GABRG3: variants seen among roughly 807,000 people sequenced by gnomAD.
GABRG3 encodes the protein gamma-aminobutyric acid type A receptor subunit gamma3.
In GABRG3, 25 loss-of-function variants were observed where a neutral mutation model predicts 48.8. That is an observed-to-expected ratio of 0.51 (90% CI 0.37 to 0.72). GABRG3 has a LOEUF of 0.72. Ranked by LOEUF, GABRG3 falls within the 30% of genes least tolerant of loss-of-function variation. The pLI is 0.00. For synonymous variants in GABRG3, 227 were observed against 217.6 expected, an observed-to-expected ratio of 1.04 and a Z score of -0.38; for missense variants, 394 against 577.9, an observed-to-expected ratio of 0.68 and a Z score of 3.26.
chr15:27,004,447 G>A (rs528482804), intron 2 of GABRG3, among the ~76,000 whole-genome samples: 8 of 150,826 alleles, frequency 5.3e-5, no homozygotes, highest in Non-Finnish European at 1.5e-5. Flanking sequence ...GGGCAGAGAC[G>A]CTCCCCACTT....
intron 5 of GABRG3, among the ~76,000 whole-genome samples, chr15:27,376,840 G>T (rs1218939960): frequency 6.6e-6 from 1 of 152,236 alleles, no homozygotes; most frequent in Admixed American, 6.5e-5. Context: ...ATTAACATTC[G>T]ACTCCTCATT....
At chr15:27,105,469 T>G (rs933997246) in intron 3 of GABRG3, among the ~76,000 whole-genome samples, 3 of 152,288 alleles carry the variant, frequency 2.0e-5, no homozygotes, top group East Asian at 1.9e-4. Flanking sequence ...TTCAAGGGCT[T>G]ATAGAATGTT....
chr15:27,347,436 C>T (rs1437436805), intron 5 of GABRG3, among the ~76,000 whole-genome samples: 1 of 152,176 alleles, frequency 6.6e-6, no homozygotes, highest in Non-Finnish European at 1.5e-5. Context: ...CAGTGCCCCC[C>T]AGTCTATTTC....
intron 3 of GABRG3, among the ~76,000 whole-genome samples, chr15:27,258,961 CA>C (rs1431217057): frequency 6.6e-6 from 1 of 151,958 alleles, no homozygotes; most frequent in African/African-American, 2.4e-5. Context: ...TGTGAGCTCA[CA>C]TTTCCTTTTA....
intron 3 of GABRG3, among the ~76,000 whole-genome samples, chr15:27,029,358 T>C (rs1896039848): frequency 6.6e-6 from 1 of 152,134 alleles, no homozygotes; most frequent in Non-Finnish European, 1.5e-5. Context: ...GAGTCTGATT[T>C]CCTGAGGAAG....
At chr15:27,331,412 C>G (rs994344396) in intron 5 of GABRG3, among the ~76,000 whole-genome samples, 2 of 151,860 alleles carry the variant, frequency 1.3e-5, no homozygotes, top group African/African-American at 4.8e-5. Context: ...TTCAGCACTA[C>G]AAAGAAAGGA....
At chr15:27,136,769 A>G (rs1056848144) in intron 3 of GABRG3, among the ~76,000 whole-genome samples, 2 of 152,048 alleles carry the variant, frequency 1.3e-5, no homozygotes, top group African/African-American at 4.8e-5. Context: ...TCCTCATCCA[A>G]CTCAAGGGGT....
At chr15:27,450,582 A>G (rs1889080574) in intron 5 of GABRG3, among the ~76,000 whole-genome samples, 1 of 152,194 alleles carries the variant, frequency 6.6e-6, no homozygotes, top group Admixed American at 6.5e-5. Flanking sequence ...AAGACCATAT[A>G]TGACTAGCCC....
At chr15:27,142,435 G>T (rs1169765092) in intron 3 of GABRG3, among the ~76,000 whole-genome samples, 1 of 152,188 alleles carries the variant, frequency 6.6e-6, no homozygotes, top group Non-Finnish European at 1.5e-5. Flanking sequence ...AGACGCAAAA[G>T]TGGAAACCCC....
chr15:27,347,645 T>A (rs1894420574), intron 5 of GABRG3, among the ~76,000 whole-genome samples: 1 of 152,234 alleles, frequency 6.6e-6, no homozygotes, highest in Admixed American at 6.5e-5. Flanking sequence ...GGGATCTTTC[T>A]TGCATTTTCA....
intron 3 of GABRG3, among the ~76,000 whole-genome samples, chr15:27,140,633 C>T (rs1049483244): frequency 6.6e-6 from 1 of 151,974 alleles, no homozygotes; most frequent in Non-Finnish European, 1.5e-5. Context: ...CTTTAATTTA[C>T]AAATTTCTAT....
intron 3 of GABRG3, among the ~76,000 whole-genome samples, chr15:27,132,558 G>C (rs1025279865): frequency 3.8e-5 from 5 of 132,636 alleles, no homozygotes; most frequent in African/African-American, 1.4e-4. Context: ...GTTTCCAGAA[G>C]TTTTCTATTT....
At chr15:27,412,357 T>C (rs1271738650) in intron 5 of GABRG3, among the ~76,000 whole-genome samples, 1 of 152,184 alleles carries the variant, frequency 6.6e-6, no homozygotes, top group Non-Finnish European at 1.5e-5. Flanking sequence ...CTCCTGTCCT[T>C]GACCCCTGGA....
At chr15:27,361,595 G>T (rs1213024534) in intron 5 of GABRG3, among the ~76,000 whole-genome samples, 2 of 152,216 alleles carry the variant, frequency 1.3e-5, no homozygotes, top group African/African-American at 4.8e-5. Context: ...GAAGACTGGA[G>T]ACCTCGCCTG....
intron 3 of GABRG3, among the ~76,000 whole-genome samples, chr15:27,160,092 G>T (rs2140403091): frequency 6.6e-6 from 1 of 152,248 alleles, no homozygotes; most frequent in African/African-American, 2.4e-5. Flanking sequence ...TGGACTCCCT[G>T]GTTCCCCACC....
intron 3 of GABRG3, among the ~76,000 whole-genome samples, chr15:27,306,635 T>C (rs1404136565): frequency 1.7e-5 from 2 of 116,934 alleles, no homozygotes; most frequent in African/African-American, 7.6e-5. Flanking sequence ...TATAAACATA[T>C]ATTTATATAT....
chr15:27,354,413 T>C (rs1270408910), intron 5 of GABRG3, among the ~76,000 whole-genome samples: 3 of 152,188 alleles, frequency 2.0e-5, no homozygotes, highest in African/African-American at 7.2e-5. Flanking sequence ...CTGACTATGC[T>C]TAATGGAATA....
At chr15:27,376,399 C>A (rs1235659419) in intron 5 of GABRG3, among the ~76,000 whole-genome samples, 2 of 152,166 alleles carry the variant, frequency 1.3e-5, no homozygotes, top group Non-Finnish European at 2.9e-5. Context: ...GGCAGTGCCC[C>A]AGTAGGGACC....
intron 2 of GABRG3, among the ~76,000 whole-genome samples, chr15:27,017,142 C>T (rs1367320267): frequency 6.6e-6 from 1 of 152,084 alleles, no homozygotes; most frequent in Non-Finnish European, 1.5e-5. Flanking sequence ...TACCTTGGGC[C>T]CAGTCTTTGT....
Sources: allele counts gnomAD v4.1 joint callset (sites outside exome capture counted in the v4.1 genomes callset), GRCh38; gene constraint gnomAD v4.1.1; transcripts MANE v1.5; gene names NCBI Gene and HGNC (gene_info 2026-07-23, HGNC 2026-07-21).